NEDD4L: variants seen among roughly 807,000 people sequenced by gnomAD.
NEDD4L encodes NEDD4 like E3 ubiquitin protein ligase.
In NEDD4L, 54 loss-of-function variants were observed where a neutral mutation model predicts 148.9. The ratio of observed to expected loss-of-function variants is 0.36; its 90% CI spans 0.29 to 0.45. The LOEUF (loss-of-function observed/expected upper bound fraction) is 0.45. Ranked by LOEUF, NEDD4L falls within the 20% of genes least tolerant of loss-of-function variation. The pLI is 1.00. For synonymous variants in NEDD4L, 433 were observed against 440.7 expected (o/e 0.98, Z 0.22); for missense variants, 856 against 1,233.8 (o/e 0.69, Z 4.59).
intron 1 of NEDD4L, among the ~76,000 whole-genome samples, chr18:58,089,315 A>G (rs928854533): frequency 1.3e-5 from 2 of 151,766 alleles, no homozygotes; most frequent in Non-Finnish European, 2.9e-5. Context: ...TTGTATTTTT[A>G]GTAGAGATGG....
rs758490845 is a variant in NEDD4L at position 58,370,501 on chromosome 18, C to T, written c.2256+34C>T. The stretch of plus-strand genomic sequence containing the variant: ...ATGCACGTCACACACTGGCCATCAC[C>T]GGGCACTCGTGTCTTATGAGAAGGT... On this transcript the variant is annotated intron_variant, in intron 23 of 30. Transcript: ENST00000400345. The T allele has an allele frequency of 3.7e-5, 52 of 1,387,532 alleles. No individual in the cohort carries two copies. The Admixed American group carries it at 4.4e-4, about 12-fold the overall frequency. 86.0% of individuals were successfully genotyped at this position (1,387,532 alleles called of 1,614,324 possible).
At chr18:58,160,713 G>A (rs1279493277) in intron 1 of NEDD4L, among the ~76,000 whole-genome samples, 25 of 152,224 alleles carry the variant, frequency 1.6e-4, no homozygotes, top group Admixed American at 1.6e-3. Context: ...CTTGTCATGT[G>A]CTTCCTAAAA....
intron 2 of NEDD4L, among the ~76,000 whole-genome samples, chr18:58,174,550 C>T (rs912435960): frequency 6.6e-6 from 1 of 152,188 alleles, no homozygotes. Flanking sequence ...TTACCACATT[C>T]CATCGTGTCC....
At chr18:58,177,407 A>G (rs2146888210) in intron 2 of NEDD4L, among the ~76,000 whole-genome samples, 1 of 152,350 alleles carries the variant, frequency 6.6e-6, no homozygotes, top group African/African-American at 2.4e-5. Flanking sequence ...TGAACTACCA[A>G]CCAAGCCTTC....
At chr18:58,383,694 GTC>G (rs1242840604) in intron 25 of NEDD4L, among the ~76,000 whole-genome samples, 1 of 152,180 alleles carries the variant, frequency 6.6e-6, no homozygotes, top group Non-Finnish European at 1.5e-5. Context: ...AAAATATTTT[GTC>G]TCTCTCCCAA....
intron 1 of NEDD4L, among the ~76,000 whole-genome samples, chr18:58,159,030 T>C (rs568848407): frequency 6.6e-6 from 1 of 152,238 alleles, no homozygotes; most frequent in East Asian, 1.9e-4. Context: ...AGATGGTCAA[T>C]GTGGAGAACT....
chr18:58,084,671 T>TGTGTGTG (rs1555686019), intron 1 of NEDD4L, among the ~76,000 whole-genome samples: 27 of 133,820 alleles, frequency 2.0e-4, no homozygotes, highest in South Asian at 7.7e-4. Context: ...TGTGGGGTTT[T>TGTGTGTG]TGTGTGTGTG....
At chr18:58,396,042 T>C (rs1157813146) in intron 30 of NEDD4L, 125 bp from the exon 31 acceptor site, 12 of 602,646 alleles carry the variant, frequency 2.0e-5, no homozygotes, top group Middle Eastern at 5.2e-4. Context: ...GGGGTTTTTT[T>C]CTCCAGGTAA....
rs1234062234 is a variant in NEDD4L at position 58,177,780 on chromosome 18, T to C, written c.122+11919T>C. On this transcript the variant is annotated intron_variant, in intron 2 of 30. Transcript: ENST00000400345. ...TATTGCCAATGTTGTATTACTTCAT[T>C]TGCTAAGAAACATTGTCATCGACTT... 2.0e-5 allele frequency among the ~76,000 whole-genome samples: 3 copies of C among 152,252 alleles called. No homozygotes were observed. In the East Asian group the frequency reaches 5.8e-4, roughly 29 times the overall value.
At position 58,365,998 on chromosome 18, in the gene NEDD4L, G is replaced by A; in HGVS notation, c.1834-1G>A. The A allele has an allele frequency of 6.3e-7, 1 of 1,597,294 alleles. No individual in the cohort carries two copies. The highest frequency in any genetic ancestry group is 8.6e-7 in the Non-Finnish European group (1 of 1,168,780). ...TGTGTTTTCTTTTGTCTTTTGTGTAGGCTGATATCCCCAATAGGTTTGAAA... is the reference window on the plus strand; with the variant it reads ...TGTGTTTTCTTTTGTCTTTTGTGTAAGCTGATATCCCCAATAGGTTTGAAA... On this transcript the variant is annotated splice_acceptor_variant, in intron 20 of 30. Transcript: ENST00000400345. LOFTEE classifies it high-confidence loss of function.
chr18:58,095,327 G>A (rs1255879432), intron 1 of NEDD4L, among the ~76,000 whole-genome samples: 2 of 152,220 alleles, frequency 1.3e-5, no homozygotes, highest in African/African-American at 2.4e-5. Flanking sequence ...CTCGCTCTGG[G>A]AAGGTGCAAA....
Position 58,389,204 on chromosome 18 carries a change from G to GCCCAGC in NEDD4L, c.2655+20_2655+25dup. Reference sequence around the variant, plus strand: ...AGTGGTTCTGGAAGGTAACTCCGGGGCCCAGCCCCAGCCGGTGTCCTCCAC... The same window carrying GCCCAGC: ...AGTGGTTCTGGAAGGTAACTCCGGGGCCCAGCCCCAGCCCCAGCCGGTGTCCTCCAC... On this transcript the variant is annotated intron_variant, in intron 28 of 30. Coordinates refer to ENST00000400345, the MANE Select transcript of NEDD4L (RefSeq NM_001144967.3). The GCCCAGC allele has an allele frequency of 6.3e-7, 1 of 1,598,220 alleles. No individual in the cohort carries two copies. The highest frequency in any genetic ancestry group is 8.6e-7 in the Non-Finnish European group (1 of 1,166,558).
At chr18:58,299,740 G>A (rs950623251) in intron 5 of NEDD4L, among the ~76,000 whole-genome samples, 3 of 152,292 alleles carry the variant, frequency 2.0e-5, no homozygotes, top group Admixed American at 6.5e-5. Flanking sequence ...GGGGGTAATG[G>A]AGAGTTTCAA....
rs954802136 is a variant in NEDD4L at position 58,397,058 on chromosome 18, C to T, written c.*789C>T. Reference sequence around the variant, plus strand: ...CACCATTATTCCTTAGAAGTAATTACATGTGTTCTAACACATTTGAGACAG... The same window carrying T: ...CACCATTATTCCTTAGAAGTAATTATATGTGTTCTAACACATTTGAGACAG... On this transcript the variant is annotated 3_prime_UTR_variant, in exon 31 of 31. Transcript: ENST00000400345. 5.9e-5 allele frequency: 9 copies of T among 152,738 alleles called. No individual in the cohort carries two copies. The highest frequency in any genetic ancestry group is 1.9e-4 in the African/African-American group (8 of 41,570). The allele number at this position is 152,738 out of a possible 1,614,324, so 9.5% of individuals were successfully genotyped here. A position where few individuals can be genotyped will look rare whatever the true frequency, so the allele number is the denominator to read the frequency against.
intron 2 of NEDD4L, among the ~76,000 whole-genome samples, chr18:58,208,545 AT>A (rs2042196408): frequency 6.6e-6 from 1 of 152,230 alleles, no homozygotes; most frequent in Non-Finnish European, 1.5e-5. Context: ...CTTTTAAGTC[AT>A]CCTTAATTCC....
intron 2 of NEDD4L, among the ~76,000 whole-genome samples, chr18:58,214,334 C>T (rs1235856681): frequency 6.6e-6 from 1 of 152,148 alleles, no homozygotes; most frequent in African/African-American, 2.4e-5. Flanking sequence ...TGTGATGATA[C>T]TGTGTCTTAT....
At chr18:58,251,224 G>A (rs1341320534) in intron 4 of NEDD4L, among the ~76,000 whole-genome samples, 1 of 152,140 alleles carries the variant, frequency 6.6e-6, no homozygotes, top group Non-Finnish European at 1.5e-5. Context: ...ACAAGACAGT[G>A]CCTAAAAAGT....
chr18:58,370,477 T>C lies in NEDD4L; in HGVS notation c.2256+10T>C, dbSNP rs367974376. 163 of 1,572,208 alleles carry C rather than the reference T, an allele frequency of 1.0e-4. 1 individual carries two copies. The highest frequency in any genetic ancestry group is 1.2e-4 in the Non-Finnish European group (133 of 1,141,764). ...TGACATGGAATCTGTGGTAAGTAAATGCACGTCACACACTGGCCATCACCG... is the reference window on the plus strand; with the variant it reads ...TGACATGGAATCTGTGGTAAGTAAACGCACGTCACACACTGGCCATCACCG... On this transcript the variant is annotated intron_variant, in intron 23 of 30. Coordinates refer to ENST00000400345, the MANE Select transcript of NEDD4L (RefSeq NM_001144967.3).
chr18:58,302,496 C>T (rs2056612142), intron 5 of NEDD4L, among the ~76,000 whole-genome samples: 2 of 152,176 alleles, frequency 1.3e-5, no homozygotes, highest in Non-Finnish European at 2.9e-5. Flanking sequence ...ACAACAGTTC[C>T]TTCATTGGAG....
Sources: gnomAD v4.1 joint callset for allele counts (sites outside exome capture counted in the v4.1 genomes callset) on GRCh38, gnomAD v4.1.1 for gene constraint, MANE v1.5 for transcripts, NCBI Gene and HGNC (gene_info 2026-07-23, HGNC 2026-07-21) for gene names.